FAM168A: variants seen among roughly 807,000 people sequenced by gnomAD.
FAM168A encodes the protein protein FAM168A.
FAM168A carries 3 observed loss-of-function variants against 28.5 expected under a neutral mutation model. The ratio of observed to expected loss-of-function variants is 0.11; its 90% CI spans 0.05 to 0.27. The LOEUF (loss-of-function observed/expected upper bound fraction) is 0.27, where lower values mean the gene tolerates loss of function less well. FAM168A is among the 10% of genes least tolerant of loss of function. FAM168A has a pLI of 1.00. For missense variants in FAM168A, 222 were observed against 311.5 expected (o/e 0.71, Z 2.16); for synonymous variants, 122 against 124.2 (o/e 0.98, Z 0.12).
chr11:73,571,903 C>G (rs138081451), intron 1 of FAM168A, among the ~76,000 whole-genome samples: 10,499 of 151,682 alleles, frequency 0.069, 1,085 homozygotes, highest in African/African-American at 0.22. Flanking sequence ...ACCGCCCCAC[C>G]GCCCCGTCTG....
chr11:73,586,234 G>A (rs1944312579), intron 1 of FAM168A, among the ~76,000 whole-genome samples: 1 of 152,114 alleles, frequency 6.6e-6, no homozygotes, highest in Admixed American at 6.6e-5. Flanking sequence ...TGGCTGATGG[G>A]CCTGCATAGG....
chr11:73,580,897 T>A (rs1944234089), intron 1 of FAM168A, among the ~76,000 whole-genome samples: 1 of 152,218 alleles, frequency 6.6e-6, no homozygotes, highest in African/African-American at 2.4e-5. Flanking sequence ...CTTAACTCCC[T>A]TAAACCCAGA....
intron 3 of FAM168A, among the ~76,000 whole-genome samples, chr11:73,425,407 G>C (rs1413448600): frequency 6.6e-6 from 1 of 152,198 alleles, no homozygotes; most frequent in Non-Finnish European, 1.5e-5. Flanking sequence ...ATGTGTTAGA[G>C]GAAGTGAAGG....
intron 1 of FAM168A, among the ~76,000 whole-genome samples, chr11:73,491,597 C>T (rs1481535285): frequency 2.6e-5 from 4 of 152,110 alleles, no homozygotes; most frequent in Admixed American, 1.3e-4. Context: ...AGTAACAGAC[C>T]GGGGACTTGA....
chr11:73,461,693 T>C (rs1304366300), intron 2 of FAM168A, among the ~76,000 whole-genome samples: 2 of 152,140 alleles, frequency 1.3e-5, no homozygotes, highest in Non-Finnish European at 1.5e-5. Context: ...GTTTTAAGCA[T>C]TGGAGTGATG....
chr11:73,580,946 T>C (rs1206385962), intron 1 of FAM168A, among the ~76,000 whole-genome samples: 1 of 152,238 alleles, frequency 6.6e-6, no homozygotes, highest in Admixed American at 6.5e-5. Context: ...TGGTTACCAG[T>C]GTGTCAGGCA....
At chr11:73,584,775 T>C (rs1944291873) in intron 1 of FAM168A, among the ~76,000 whole-genome samples, 2 of 151,994 alleles carry the variant, frequency 1.3e-5, no homozygotes, top group Admixed American at 1.3e-4. Context: ...CCATGCCCAG[T>C]CCACTGACAT....
chr11:73,511,559 A>ATTTTTTTTTTTTTTTTTTTTTTTTTTT (rs1396253362), intron 1 of FAM168A, among the ~76,000 whole-genome samples: 12 of 152,186 alleles, frequency 7.9e-5, no homozygotes, highest in African/African-American at 2.4e-4. Context: ...TATGTAATGA[A>ATTTTTTTTTTTTTTTTTTTTTTTTTTT]TCTTAAGCTG....
At chr11:73,407,741 G>A (rs955257457) in intron 6 of FAM168A, 98 bp from the exon 7 acceptor site, 2 of 979,712 alleles carry the variant, frequency 2.0e-6, no homozygotes, top group Admixed American at 5.2e-5. Context: ...TGCTCCCTCT[G>A]CCCAAATCCC....
At chr11:73,493,966 T>C (rs898516972) in intron 1 of FAM168A, among the ~76,000 whole-genome samples, 1 of 152,180 alleles carries the variant, frequency 6.6e-6, no homozygotes, top group South Asian at 2.1e-4. Context: ...AAACACTTCA[T>C]GTTAGAAGAT....
At chr11:73,562,232 C>T (rs1290169977) in intron 1 of FAM168A, among the ~76,000 whole-genome samples, 1 of 152,224 alleles carries the variant, frequency 6.6e-6, no homozygotes, top group East Asian at 1.9e-4. Context: ...TGAGCCACCG[C>T]ACCCAGCCTA....
rs759555107 is a variant in FAM168A at position 73,595,700 on chromosome 11, T to A, written c.-19+2223A>T. Among the ~76,000 whole-genome samples, 3 of 152,342 alleles carry A rather than the reference T, an allele frequency of 2.0e-5. No homozygotes were observed. In the East Asian group the frequency reaches 5.8e-4, roughly 29 times the overall value. Reference sequence around the variant, plus strand: ...AGGTTTAAATCGAATTTCTGATGAATAGGTGGAGATGCTGTTTCTGTAGTT... The same window carrying A: ...AGGTTTAAATCGAATTTCTGATGAAAAGGTGGAGATGCTGTTTCTGTAGTT... On this transcript the variant is annotated intron_variant, in intron 1 of 7. Transcript: ENST00000356467.
chr11:73,511,829 A>G (rs746818246), intron 1 of FAM168A, among the ~76,000 whole-genome samples: 33 of 152,188 alleles, frequency 2.2e-4, no homozygotes, highest in Non-Finnish European at 4.4e-4. Flanking sequence ...TGAGAATCAA[A>G]TAAGATACAT....
chr11:73,595,475 G>A (rs895568512), intron 1 of FAM168A, among the ~76,000 whole-genome samples: 2 of 152,132 alleles, frequency 1.3e-5, no homozygotes, highest in African/African-American at 4.8e-5. Context: ...GATCCCAATG[G>A]TGCCAATTTT....
intron 4 of FAM168A, among the ~76,000 whole-genome samples, chr11:73,418,589 C>A (rs75366251): frequency 0.03 from 4,506 of 152,296 alleles, 215 homozygotes; most frequent in African/African-American, 0.1. Flanking sequence ...GAAAAAAATA[C>A]AATGAATTCT....
chr11:73,448,709 C>T (rs565660366), intron 2 of FAM168A, among the ~76,000 whole-genome samples: 1 of 152,156 alleles, frequency 6.6e-6, no homozygotes, highest in African/African-American at 2.4e-5. Flanking sequence ...ACAGACATTA[C>T]TCGTGTTCCT....
chr11:73,500,758 C>T (rs1214162691), intron 1 of FAM168A, among the ~76,000 whole-genome samples: 5 of 152,142 alleles, frequency 3.3e-5, no homozygotes, highest in African/African-American at 4.8e-5. Flanking sequence ...AGACAAATGA[C>T]ACTATGAAGA....
chr11:73,470,257 T>C (rs1336761081), intron 1 of FAM168A, among the ~76,000 whole-genome samples: 2 of 152,178 alleles, frequency 1.3e-5, no homozygotes, highest in Admixed American at 1.3e-4. Flanking sequence ...GACATGCAAA[T>C]GTAAACAATG....
rs1565298908 is a variant in FAM168A, at chr11:73,561,077, AAAAC to A, written c.-19+36842_-19+36845del. Among the ~76,000 whole-genome samples, 4 of 150,432 alleles carry A rather than the reference AAAAC, an allele frequency of 2.7e-5. 1 individual carries two copies. Among genetic ancestry groups the A allele is most frequent in the Non-Finnish European group, 5.9e-5 (4 of 67,674 alleles). On this transcript the variant is annotated intron_variant, in intron 1 of 7. Coordinates refer to ENST00000356467, the MANE Select transcript of FAM168A (RefSeq NM_015159.3). ...ACTCTGTCCCAAAAAAAAAAAACAA[AAAAC>A]AAAAAGACCGGGCGCGGTGGCGGTG...
Sources: allele counts gnomAD v4.1 joint callset (sites outside exome capture counted in the v4.1 genomes callset), GRCh38; gene constraint gnomAD v4.1.1; transcripts MANE v1.5; gene names NCBI Gene and HGNC (gene_info 2026-07-23, HGNC 2026-07-21).